Variants in CFAP299 observed in about 807,000 individuals in gnomAD.
CFAP299 encodes cilia- and flagella-associated protein 299.
Under a neutral mutation model 27.0 loss-of-function variants are expected in CFAP299, and 21 were observed. The ratio of observed to expected loss-of-function variants is 0.78; its 90% CI spans 0.55 to 1.12. CFAP299 has a LOEUF of 1.12. CFAP299 is among the 50% of genes most tolerant of loss of function. The probability of loss-of-function intolerance (pLI) is 0.00; values close to 1 mark genes in which losing one functional copy is unlikely to be tolerated. For missense variants in CFAP299, 310 were observed against 276.6 expected (o/e 1.12, Z -0.86); for synonymous variants, 104 against 98.1 (o/e 1.06, Z -0.36).
At chr4:80,875,241 G>T (rs1470544486) in intron 4 of CFAP299, among the ~76,000 whole-genome samples, 2 of 152,098 alleles carry the variant, frequency 1.3e-5, no homozygotes, top group Non-Finnish European at 2.9e-5. Context: ...ATTAGTCATT[G>T]GACCAGATCT....
chr4:80,616,560 T>C (rs572826829), intron 3 of CFAP299, among the ~76,000 whole-genome samples: 2 of 152,072 alleles, frequency 1.3e-5, no homozygotes, highest in South Asian at 4.2e-4. Context: ...AAGTTCCCAA[T>C]GCAAGTTAGT....
intron 2 of CFAP299, among the ~76,000 whole-genome samples, chr4:80,553,828 C>T (rs1734653254): frequency 6.6e-6 from 1 of 151,880 alleles, no homozygotes; most frequent in Non-Finnish European, 1.5e-5. Flanking sequence ...TGTCATTTGC[C>T]CACTTTTTAA....
At chr4:80,616,155 A>G (rs1577936393) in intron 3 of CFAP299, among the ~76,000 whole-genome samples, 1 of 152,134 alleles carries the variant, frequency 6.6e-6, no homozygotes, top group Non-Finnish European at 1.5e-5. Flanking sequence ...CTGTCTTCCC[A>G]ACTCAACTGT....
intron 3 of CFAP299, among the ~76,000 whole-genome samples, chr4:80,839,708 G>A (rs1304954604): frequency 2.0e-5 from 3 of 150,612 alleles, no homozygotes; most frequent in Admixed American, 2.0e-4. Flanking sequence ...TCACTGATAA[G>A]AATTTGCAAG....
intron 2 of CFAP299, among the ~76,000 whole-genome samples, chr4:80,534,549 T>C (rs888326393): frequency 6.6e-6 from 1 of 152,180 alleles, no homozygotes; most frequent in Admixed American, 6.5e-5. Context: ...AATTTACTTT[T>C]GTTTCATTTA....
intron 2 of CFAP299, among the ~76,000 whole-genome samples, chr4:80,520,220 G>A (rs768023180): frequency 2.6e-5 from 4 of 152,042 alleles, no homozygotes; most frequent in Non-Finnish European, 4.4e-5. Flanking sequence ...ACAACCAAAC[G>A]GAAATAAGCC....
intron 4 of CFAP299, among the ~76,000 whole-genome samples, chr4:80,893,548 C>T (rs1260188026): frequency 2.0e-5 from 3 of 151,532 alleles, no homozygotes; most frequent in Non-Finnish European, 4.4e-5. Flanking sequence ...GAATAGAGAA[C>T]ACAGAAATAT....
At chr4:80,535,666 TCTTC>T (rs1036770793) in intron 2 of CFAP299, among the ~76,000 whole-genome samples, 9 of 152,152 alleles carry the variant, frequency 5.9e-5, no homozygotes, top group African/African-American at 2.2e-4. Context: ...CAAAAAACTC[TCTTC>T]CTGTTTTTGA....
chr4:80,957,516 T>C (rs1738130218), intron 5 of CFAP299, among the ~76,000 whole-genome samples: 1 of 152,180 alleles, frequency 6.6e-6, no homozygotes, highest in Non-Finnish European at 1.5e-5. Context: ...GTATTACAAC[T>C]GATTCCAGAG....
chr4:80,552,695 G>A (rs1031323301), intron 2 of CFAP299, among the ~76,000 whole-genome samples: 1 of 152,064 alleles, frequency 6.6e-6, no homozygotes, highest in East Asian at 1.9e-4. Flanking sequence ...GTAGTTTGGG[G>A]TTTCTTTTCA....
intron 3 of CFAP299, among the ~76,000 whole-genome samples, chr4:80,744,400 A>C (rs1724464015): frequency 6.6e-6 from 1 of 151,748 alleles, no homozygotes; most frequent in African/African-American, 2.4e-5. Flanking sequence ...TGACTCACAA[A>C]AAAAGGTGGG....
chr4:80,464,183 G>A (rs1729597889), intron 2 of CFAP299, among the ~76,000 whole-genome samples: 2 of 151,966 alleles, frequency 1.3e-5, no homozygotes, highest in South Asian at 4.1e-4. Flanking sequence ...CCAAAAATGT[G>A]GAAGTTTGCT....
intron 5 of CFAP299, among the ~76,000 whole-genome samples, chr4:80,960,899 T>G (rs1738313442): frequency 6.6e-6 from 1 of 151,782 alleles, no homozygotes; most frequent in African/African-American, 2.4e-5. Context: ...AACAAACACA[T>G]TCTATAGGAT....
intron 3 of CFAP299, among the ~76,000 whole-genome samples, chr4:80,836,005 C>T (rs1317831484): frequency 1.3e-5 from 2 of 152,138 alleles, no homozygotes; most frequent in Non-Finnish European, 2.9e-5. Context: ...CTCATTTTCT[C>T]CTCTTACTTT....
chr4:80,572,506 A>ATTTT (rs1376714424), intron 2 of CFAP299, among the ~76,000 whole-genome samples: 4 of 28,272 alleles, frequency 1.4e-4, no homozygotes, highest in South Asian at 2.9e-3. Flanking sequence ...ACTGGATCCC[A>ATTTT]GTTTTTTTTT....
Position 80,944,141 on chromosome 4 carries a change from G to A in CFAP299, c.477-669G>A, listed in dbSNP as rs141268954. ...AAGGCAATATTGAAAAATAGAAAGT[G>A]GCATATGTATGCTTTGAAACATACA... On this transcript the variant is annotated intron_variant, in intron 4 of 5. Coordinates refer to ENST00000358105, the MANE Select transcript of CFAP299 (RefSeq NM_152770.3). 1.4e-4 allele frequency among the ~76,000 whole-genome samples: 22 copies of A among 152,014 alleles called. No homozygotes were observed. In the East Asian group the frequency reaches 4.3e-3, roughly 29 times the overall value.
intron 2 of CFAP299, among the ~76,000 whole-genome samples, chr4:80,402,581 C>T (rs1249667721): frequency 6.6e-6 from 1 of 152,156 alleles, no homozygotes; most frequent in Non-Finnish European, 1.5e-5. Flanking sequence ...TCCTTTTCTT[C>T]CCAGTCTTGG....
chr4:80,963,564 C>G lies in CFAP299; in HGVS notation c.654C>G (p.Leu218=), dbSNP rs1274774935. The G allele has an allele frequency of 6.2e-7, 1 of 1,609,308 alleles. No individual in the cohort carries two copies. Among genetic ancestry groups the G allele is most frequent in the East Asian group, 2.2e-5 (1 of 44,714 alleles). The change falls in exon 6 of 6, where the codon CTC becomes CTG. Residue 218 remains leucine, a synonymous_variant. Coordinates refer to ENST00000358105, the MANE Select transcript of CFAP299 (RefSeq NM_152770.3). Reference sequence around the variant, plus strand: ...CTAGAATCACTATCCTGACAGAACTCTACGTACAAGCTGTCATTTTTGACC... The same window carrying G: ...CTAGAATCACTATCCTGACAGAACTGTACGTACAAGCTGTCATTTTTGACC... ...NSTRITILTE[L]YVQAVIFDHI...
chr4:80,373,396 A>ATT (rs1724246236), intron 2 of CFAP299, among the ~76,000 whole-genome samples: 1 of 152,140 alleles, frequency 6.6e-6, no homozygotes, highest in Non-Finnish European at 1.5e-5. Context: ...GGGGGAGAAG[A>ATT]GAATCACTGC....
Sources: allele counts gnomAD v4.1 joint callset (sites outside exome capture counted in the v4.1 genomes callset), GRCh38; gene constraint gnomAD v4.1.1; transcripts MANE v1.5; gene names NCBI Gene and HGNC (gene_info 2026-07-23, HGNC 2026-07-21).